Variants in BRD4 observed in about 807,000 individuals in gnomAD.
BRD4 encodes bromodomain containing 4, also known as bromodomain-containing protein 4.
In BRD4, 16 loss-of-function variants were observed where a neutral mutation model predicts 142.1. The ratio of observed to expected loss-of-function variants is 0.11; its 90% CI spans 0.08 to 0.17. The LOEUF (loss-of-function observed/expected upper bound fraction) is 0.17, where lower values mean the gene tolerates loss of function less well. Among genes scored for constraint, BRD4 ranks in the 10% least tolerant of loss-of-function variants. BRD4 has a pLI of 1.00. For missense variants in BRD4, 1,424 were observed against 1,810.9 expected, an observed-to-expected ratio of 0.79 and a Z score of 3.88; for synonymous variants, 833 against 707.5, an observed-to-expected ratio of 1.18 and a Z score of -2.82.
chr19:15,256,141 T>G lies in BRD4; in HGVS notation c.1674A>C (p.Glu558Asp), dbSNP rs1278719297. ...KEKHKRKEEVEENKKSKAKEP... is the reference protein window; with the variant it reads ...KEKHKRKEEVDENKKSKAKEP... ...CCTTGGCTTTGCTTTTTTTATTCTC[T>G]TCCACTTCCTCTTTCCTTTTGTGCT... The change falls in exon 9 of 20, where the codon GAA becomes GAC. Residue 558 changes from glutamate to aspartate, a missense_variant. Glu to Asp is a conservative substitution (Grantham distance 45). Around this residue, in one of 16 missense-constraint regions of BRD4, gnomAD observed 86 missense variants for 78.9 expected, o/e 1.09. Transcript: ENST00000679869. The G allele has an allele frequency of 1.2e-6, 2 of 1,611,962 alleles. No homozygotes were observed. The highest frequency in any genetic ancestry group is 1.7e-6 in the Non-Finnish European group (2 of 1,179,812).
chr19:15,302,829 C>T (rs962794639), intron 1 of BRD4, among the ~76,000 whole-genome samples: 1 of 151,476 alleles, frequency 6.6e-6, no homozygotes, highest in Non-Finnish European at 1.5e-5. Flanking sequence ...AACAGTGAAA[C>T]CCCGTCTCTA....
intron 1 of BRD4, chr19:15,280,494 G>A: frequency 4.6e-5 from 45 of 976,662 alleles, no homozygotes; most frequent in Non-Finnish European, 5.4e-5. Context: ...TCTCCCTGCA[G>A]CACCTGGCCA....
At chr19:15,311,266 T>C (rs1214708677) in intron 1 of BRD4, among the ~76,000 whole-genome samples, 2 of 151,730 alleles carry the variant, frequency 1.3e-5, no homozygotes, top group Non-Finnish European at 2.9e-5. Flanking sequence ...CACTCCAGCC[T>C]GGGCAACAGA....
chr19:15,309,362 AAACT>A (rs1440540980), intron 1 of BRD4, among the ~76,000 whole-genome samples: 1 of 151,588 alleles, frequency 6.6e-6, no homozygotes, highest in Non-Finnish European at 1.5e-5. Context: ...AAAAACCAAC[AAACT>A]GTCAATCTCT....
intron 14 of BRD4, among the ~76,000 whole-genome samples, chr19:15,241,835 T>C (rs2047240351): frequency 7.2e-6 from 1 of 139,068 alleles, no homozygotes; most frequent in East Asian, 2.2e-4. Context: ...TTTTTTGAGA[T>C]AGAGTCTCCA....
chr19:15,280,523 T>C (rs2047695599), intron 1 of BRD4: 25 of 855,708 alleles, frequency 2.9e-5, no homozygotes, highest in Admixed American at 6.1e-5. Context: ...CAATGAGATA[T>C]ATCCCGTGTC....
chr19:15,265,206 T>C, intron 5 of BRD4, 148 bp downstream of exon 5: 1 of 809,964 alleles, frequency 1.2e-6, no homozygotes, highest in Non-Finnish European at 1.8e-6. Context: ...GGGCGGCTGT[T>C]TCTGGGCTGC....
In BRD4 at chr19:15,239,112, A is replaced by G. The variant is rs1211826494; in HGVS notation, c.3729T>C (p.Ala1243=). 1.8e-5 allele frequency: 29 copies of G among 1,609,276 alleles called. No homozygotes were observed. Among genetic ancestry groups the G allele is most frequent in the Non-Finnish European group, 2.5e-5 (29 of 1,179,560 alleles). The stretch of plus-strand genomic sequence containing the variant: ...TCTCCTTCTCAGCGTGCTCGGCCTG[A>G]GCCTTCAGGGCCTTCTCACGCTCCT... ...EKEEREKALK[A]QAEHAEKEKE... The change falls in exon 18 of 20, where the codon GCT becomes GCC. Residue 1243 remains alanine (A), a synonymous_variant. Coordinates refer to ENST00000679869, the MANE Select transcript of BRD4 (RefSeq NM_001379291.1). The surrounding 1 kb of genome is among the most constrained non-coding windows in gnomAD (Gnocchi z 7.4).
At chr19:15,319,991 A>G (rs2048047926) in intron 1 of BRD4, among the ~76,000 whole-genome samples, 1 of 152,184 alleles carries the variant, frequency 6.6e-6, no homozygotes, top group South Asian at 2.1e-4. Context: ...CATCGTAATA[A>G]ATTTTTCTTC....
chr19:15,244,415 G>T lies in BRD4; in HGVS notation c.2397C>A (p.Pro799=). The T allele has an allele frequency of 6.3e-7, 1 of 1,596,046 alleles. No individual in the cohort carries two copies. ...GGACGGGCACCTGGGTGGCAATGAA[G>T]GGTGGGGGCGAGGACTTCATCGCCG... ...AAPAMKSSPP[P]FIATQVPVLE... is the part of the protein sequence containing the mutation. The change falls in exon 13 of 20, where the codon CCC becomes CCA. Residue 799 remains proline, a synonymous_variant. Coordinates refer to ENST00000679869, the MANE Select transcript of BRD4 (RefSeq NM_001379291.1).
chr19:15,256,918 G>A, intron 8 of BRD4, 46 bp downstream of exon 8: 1 of 1,491,230 alleles, frequency 6.7e-7, no homozygotes, highest in Non-Finnish European at 9.0e-7. Flanking sequence ...GGCCACCCTG[G>A]TCCACGGACT....
intron 1 of BRD4, among the ~76,000 whole-genome samples, chr19:15,295,031 A>T (rs2047812350): frequency 6.6e-6 from 1 of 152,224 alleles, no homozygotes; most frequent in Non-Finnish European, 1.5e-5. Context: ...ACAATTTCCT[A>T]GCCTGCTATT....
intron 1 of BRD4, among the ~76,000 whole-genome samples, chr19:15,331,479 C>T (rs2048157759): frequency 1.3e-5 from 2 of 152,200 alleles, no homozygotes; most frequent in Non-Finnish European, 2.9e-5. Flanking sequence ...GAGCACGGAC[C>T]GAGCAAAACA....
chr19:15,271,219 C>A (rs1167525432), intron 2 of BRD4, among the ~76,000 whole-genome samples: 3 of 152,218 alleles, frequency 2.0e-5, no homozygotes, highest in Non-Finnish European at 4.4e-5. Flanking sequence ...TGCTTCAGTT[C>A]CCACTGCGTT....
intron 9 of BRD4, 130 bp downstream of exon 9, chr19:15,255,934 T>A: frequency 7.9e-7 from 1 of 1,260,556 alleles, no homozygotes; most frequent in Non-Finnish European, 1.1e-6. Context: ...CAGCCTGGCC[T>A]GTGAAGCCAC....
chr19:15,305,141 C>T (rs1227901599), intron 1 of BRD4, among the ~76,000 whole-genome samples: 1 of 151,780 alleles, frequency 6.6e-6, no homozygotes, highest in African/African-American at 2.4e-5. Flanking sequence ...GCCTCAGCCT[C>T]CCGAGTAGCT....
At position 15,239,927 on chromosome 19, in the gene BRD4, C is replaced by T. The variant is rs567489459; in HGVS notation, c.3265G>A (p.Val1089Ile). ...CCAGTTACCTGTTTCTTAGGCTGGACGTTTTGCTGGGGTGGAGACTGGTGG... is the reference window on the plus strand; with the variant it reads ...CCAGTTACCTGTTTCTTAGGCTGGATGTTTTGCTGGGGTGGAGACTGGTGG... Reference protein sequence around the residue: ...LTHQSPPQQNVQPKKQELRAA... With the variant: ...LTHQSPPQQNIQPKKQELRAA... Residue 1089 changes from valine (V) to isoleucine (I), a missense_variant, in exon 15 of 20, where the codon GTC becomes ATC. Physicochemically the swap from Val to Ile is conservative, Grantham distance 29. Coordinates refer to ENST00000679869, the MANE Select transcript of BRD4 (RefSeq NM_001379291.1). The surrounding 1 kb of genome is among the most constrained non-coding windows in gnomAD (Gnocchi z 7.4). 54 of 1,613,856 alleles carry T rather than the reference C, an allele frequency of 3.3e-5. No individual in the cohort carries two copies. The highest frequency in any genetic ancestry group is 3.3e-4 in the South Asian group (30 of 91,064).
chr19:15,302,094 C>T (rs2047873418), intron 1 of BRD4, among the ~76,000 whole-genome samples: 1 of 150,690 alleles, frequency 6.6e-6, no homozygotes, highest in Non-Finnish European at 1.5e-5. Flanking sequence ...TTGAACCCAG[C>T]AGGCAGAGGT....
At chr19:15,309,398 TGCTATCATC>T (rs2047946872) in intron 1 of BRD4, among the ~76,000 whole-genome samples, 1 of 151,416 alleles carries the variant, frequency 6.6e-6, no homozygotes, top group Admixed American at 6.6e-5. Context: ...AAGGAATCTT[TGCTATCATC>T]TAAAAGACAA....
Sources: gnomAD v4.1 joint callset for allele counts (sites outside exome capture counted in the v4.1 genomes callset) on GRCh38, gnomAD v4.1.1 for gene constraint, gnomAD v4.1.1 regional missense constraint, Gnocchi (gnomAD v3.1) non-coding constraint, MANE v1.5 for transcripts, NCBI Gene and HGNC (gene_info 2026-07-23, HGNC 2026-07-21) for gene names.